Variants in UBTD2 observed in about 807,000 individuals in gnomAD.
The protein encoded by UBTD2 is ubiquitin domain-containing protein 2.
Under a neutral mutation model 19.8 loss-of-function variants are expected in UBTD2, and 9 were observed. The ratio of observed to expected loss-of-function variants is 0.46; its 90% CI spans 0.27 to 0.79. The LOEUF (loss-of-function observed/expected upper bound fraction) is 0.79, where lower values mean the gene tolerates loss of function less well. Among genes scored for constraint, UBTD2 ranks in the 30% least tolerant of loss-of-function variants. The probability of loss-of-function intolerance (pLI) is 0.14; values close to 1 mark genes in which losing one functional copy is unlikely to be tolerated. For missense variants in UBTD2, 250 were observed against 300.4 expected, an observed-to-expected ratio of 0.83 and a Z score of 1.24; for synonymous variants, 98 against 103.9, an observed-to-expected ratio of 0.94 and a Z score of 0.35.
At chr5:172,228,764 A>G (rs1419675614) in intron 2 of UBTD2, among the ~76,000 whole-genome samples, 1 of 151,950 alleles carries the variant, frequency 6.6e-6, no homozygotes, top group Non-Finnish European at 1.5e-5. Flanking sequence ...AAACAACATG[A>G]GTTTTGAGTA....
chr5:172,216,570 T>C (rs1370341569), intron 2 of UBTD2, among the ~76,000 whole-genome samples: 7 of 93,186 alleles, frequency 7.5e-5, no homozygotes, highest in Non-Finnish European at 1.1e-4. Flanking sequence ...TTGGGCAACA[T>C]AGGGAAACCC....
chr5:172,281,319 A>C (rs1469466302), intron 1 of UBTD2, among the ~76,000 whole-genome samples: 1 of 152,180 alleles, frequency 6.6e-6, no homozygotes, highest in African/African-American at 2.4e-5. Flanking sequence ...AACACGGCAA[A>C]ACCCACCTCT....
chr5:172,236,920 G>A (rs922192944), intron 1 of UBTD2, among the ~76,000 whole-genome samples: 3 of 152,050 alleles, frequency 2.0e-5, no homozygotes, highest in African/African-American at 4.8e-5. Context: ...CATAATAAGG[G>A]TACAAAGTAC....
intron 1 of UBTD2, among the ~76,000 whole-genome samples, chr5:172,241,451 C>A (rs1305271173): frequency 6.7e-6 from 1 of 149,648 alleles, no homozygotes; most frequent in Non-Finnish European, 1.5e-5. Context: ...ACTATCTCCA[C>A]TTTTAACACT....
intron 1 of UBTD2, among the ~76,000 whole-genome samples, chr5:172,259,587 G>A (rs944281085): frequency 1.3e-5 from 2 of 152,084 alleles, no homozygotes; most frequent in African/African-American, 4.8e-5. Flanking sequence ...TATATGTACT[G>A]TATACACCAT....
At chr5:172,256,099 AAG>A (rs2113082833) in intron 1 of UBTD2, among the ~76,000 whole-genome samples, 1 of 152,254 alleles carries the variant, frequency 6.6e-6, no homozygotes, top group African/African-American at 2.4e-5. Context: ...CAAAAGAGAA[AAG>A]AGAGAAAAAA....
intron 1 of UBTD2, among the ~76,000 whole-genome samples, chr5:172,242,154 A>G (rs963091480): frequency 6.6e-6 from 1 of 152,076 alleles, no homozygotes; most frequent in Non-Finnish European, 1.5e-5. Context: ...GAGGCCCTCA[A>G]CAGGAACAGA....
At chr5:172,264,412 G>A (rs754305374) in intron 1 of UBTD2, among the ~76,000 whole-genome samples, 1 of 151,672 alleles carries the variant, frequency 6.6e-6, no homozygotes, top group Non-Finnish European at 1.5e-5. Context: ...CAGGTGTGTG[G>A]CACCTATAAT....
At chr5:172,214,720 C>G (rs1771511062) in intron 2 of UBTD2, among the ~76,000 whole-genome samples, 2 of 152,178 alleles carry the variant, frequency 1.3e-5, no homozygotes, top group African/African-American at 4.8e-5. Context: ...TTTTTAGAAA[C>G]AGTAATTTGT....
At chr5:172,212,914 C>T (rs1771478148) in intron 2 of UBTD2, among the ~76,000 whole-genome samples, 1 of 151,860 alleles carries the variant, frequency 6.6e-6, no homozygotes. Context: ...GATCCACCCA[C>T]CTCAGCCTCC....
intron 1 of UBTD2, among the ~76,000 whole-genome samples, chr5:172,269,893 T>C (rs775545531): frequency 4.0e-5 from 6 of 151,312 alleles, no homozygotes; most frequent in Non-Finnish European, 8.8e-5. Context: ...CTGGCCAACA[T>C]GGTGAAACTC....
intron 2 of UBTD2, among the ~76,000 whole-genome samples, chr5:172,220,700 A>G (rs752174791): frequency 6.6e-6 from 1 of 152,178 alleles, no homozygotes; most frequent in Non-Finnish European, 1.5e-5. Context: ...CTTTCCTACT[A>G]ATTTGGGAAC....
At chr5:172,277,752 G>A (rs961430923) in intron 1 of UBTD2, among the ~76,000 whole-genome samples, 7 of 149,714 alleles carry the variant, frequency 4.7e-5, no homozygotes, top group Non-Finnish European at 1.0e-4. Context: ...GGACACCATC[G>A]AGAGAATGAA....
At chr5:172,266,011 G>A (rs912844548) in intron 1 of UBTD2, among the ~76,000 whole-genome samples, 1 of 150,588 alleles carries the variant, frequency 6.6e-6, no homozygotes, top group Non-Finnish European at 1.5e-5. Context: ...TCAGCTCATT[G>A]CAACCTCTGC....
In UBTD2 at chr5:172,211,112, G is replaced by A. The variant is rs1412624865; in HGVS notation, c.*718C>T. ...CTGTTGAAACTCAAGAGACCTGACT[G>A]TATTGATGAAATTATTGCCTAGTGT... On this transcript the variant is annotated 3_prime_UTR_variant, in exon 3 of 3. Transcript: ENST00000393792. 2.6e-5 allele frequency: 4 copies of A among 152,170 alleles called. No individual in the cohort carries two copies. Among genetic ancestry groups the A allele is most frequent in the Non-Finnish European group, 5.9e-5 (4 of 68,048 alleles). 9.4% of individuals were successfully genotyped at this position (152,170 alleles called of 1,614,324 possible).
chr5:172,257,415 T>C (rs1183754895), intron 1 of UBTD2, among the ~76,000 whole-genome samples: 1 of 152,256 alleles, frequency 6.6e-6, no homozygotes, highest in East Asian at 1.9e-4. Flanking sequence ...ATTCCATGTC[T>C]TTGCTATTGG....
intron 2 of UBTD2, among the ~76,000 whole-genome samples, chr5:172,232,294 A>G (rs1157058610): frequency 7.0e-6 from 1 of 143,058 alleles, no homozygotes; most frequent in Non-Finnish European, 1.5e-5. Flanking sequence ...ATAAGTTACC[A>G]AAAGAAAAAG....
chr5:172,251,251 C>CA (rs1234437007), intron 1 of UBTD2, among the ~76,000 whole-genome samples: 1 of 144,690 alleles, frequency 6.9e-6, no homozygotes, highest in Non-Finnish European at 1.5e-5. Context: ...CCCAGGAGGC[C>CA]AGGCTTGCAG....
chr5:172,254,537 T>C (rs1581226391), intron 1 of UBTD2: 1 of 593,268 alleles, frequency 1.7e-6, no homozygotes, highest in East Asian at 3.5e-5. Context: ...ATCCTTCCCA[T>C]GTACATTTGT....
Sources: gnomAD v4.1 joint callset for allele counts (sites outside exome capture counted in the v4.1 genomes callset) on GRCh38, gnomAD v4.1.1 for gene constraint, MANE v1.5 for transcripts, NCBI Gene and HGNC (gene_info 2026-07-23, HGNC 2026-07-21) for gene names.